Variants in SCLT1 observed in about 807,000 individuals in gnomAD.
The protein encoded by SCLT1 is sodium channel-associated protein 1.
Under a neutral mutation model 112.8 loss-of-function variants are expected in SCLT1, and 78 were observed. The observed-to-expected ratio is 0.69, with a 90% CI of 0.58 to 0.83. SCLT1 has a LOEUF of 0.83. Ranked by LOEUF, SCLT1 falls within the 40% of genes least tolerant of loss-of-function variation. The probability of loss-of-function intolerance (pLI) is 0.00; values close to 1 mark genes in which losing one functional copy is unlikely to be tolerated. For missense variants in SCLT1, 747 were observed against 770.4 expected, an observed-to-expected ratio of 0.97 and a Z score of 0.36; for synonymous variants, 257 against 254.7, an observed-to-expected ratio of 1.01 and a Z score of -0.09.
At chr4:128,873,779 T>C (rs1732378857) in intron 5 of SCLT1, 2 of 152,566 alleles carry the variant, frequency 1.3e-5, no homozygotes, top group South Asian at 2.1e-4. Flanking sequence ...TGTTTCCATA[T>C]GGCAGGGACA....
intron 17 of SCLT1, among the ~76,000 whole-genome samples, chr4:128,942,259 C>A (rs1238570823): frequency 6.6e-6 from 1 of 152,006 alleles, no homozygotes; most frequent in African/African-American, 2.4e-5. Flanking sequence ...TGGAATATGA[C>A]TTCTTAGGAG....
intron 2 of SCLT1, among the ~76,000 whole-genome samples, chr4:129,078,089 A>G (rs1420611176): frequency 6.6e-6 from 1 of 152,234 alleles, no homozygotes; most frequent in Admixed American, 6.5e-5. Flanking sequence ...ATAGGAATCA[A>G]GATTTGGTTG....
intron 5 of SCLT1, among the ~76,000 whole-genome samples, chr4:129,005,253 GCAT>G (rs1326285248): frequency 6.6e-6 from 1 of 152,042 alleles, no homozygotes; most frequent in South Asian, 2.1e-4. Flanking sequence ...ATGGTTATCT[GCAT>G]CATAACTTAT....
At chr4:128,896,713 A>G (rs550234413) in intron 18 of SCLT1, among the ~76,000 whole-genome samples, 1 of 152,182 alleles carries the variant, frequency 6.6e-6, no homozygotes, top group South Asian at 2.1e-4. Context: ...GCTTCAGACG[A>G]TCAAACTACT....
At chr4:129,070,434 C>T (rs1175338730) in intron 2 of SCLT1, among the ~76,000 whole-genome samples, 1 of 151,906 alleles carries the variant, frequency 6.6e-6, no homozygotes, top group Non-Finnish European at 1.5e-5. Context: ...TTCAATCTCG[C>T]TGCTTGTTAT....
intron 2 of SCLT1, among the ~76,000 whole-genome samples, chr4:129,051,972 C>G (rs1420494810): frequency 6.6e-6 from 1 of 152,038 alleles, no homozygotes; most frequent in Non-Finnish European, 1.5e-5. Context: ...TTTTTTGCAT[C>G]TATTGAGATA....
At chr4:128,882,368 A>G (rs1732661398), downstream of SCLT1, among the ~76,000 whole-genome samples, 1 of 152,202 alleles carries the variant, frequency 6.6e-6, no homozygotes, top group African/African-American at 2.4e-5. Flanking sequence ...ACTGCCATAT[A>G]GGTATGATTT....
chr4:128,883,166 A>C (rs544916571), downstream of SCLT1, among the ~76,000 whole-genome samples: 416 of 151,184 alleles, frequency 2.8e-3, 2 homozygotes, highest in Middle Eastern at 0.01. Flanking sequence ...ACAAAAAAAA[A>C]AAAAAAAAAA....
chr4:128,919,435 A>C (rs934383617), intron 18 of SCLT1, among the ~76,000 whole-genome samples: 1 of 152,156 alleles, frequency 6.6e-6, no homozygotes, highest in Non-Finnish European at 1.5e-5. Context: ...GTTAAGCAGA[A>C]GTTTATAGTG....
Position 128,996,315 on chromosome 4 carries a change from T to C in SCLT1, c.615+1559A>G, listed in dbSNP as rs72924109. ...GTGGGGAGAAGGAGTGTCCAGGATG[T>C]CCTACTCTGCCATGTTAGTCAAATT... On this transcript the variant is annotated intron_variant, in intron 8 of 20. Coordinates refer to ENST00000281142, the MANE Select transcript of SCLT1 (RefSeq NM_144643.4). 6.5e-3 allele frequency among the ~76,000 whole-genome samples: 982 copies of C among 152,096 alleles called. 7 individuals are homozygous for C. The highest frequency in any genetic ancestry group is 0.016 in the African/African-American group (677 of 41,502).
chr4:129,013,750 A>G (rs987248482), intron 5 of SCLT1, among the ~76,000 whole-genome samples: 22 of 152,014 alleles, frequency 1.4e-4, no homozygotes, highest in Non-Finnish European at 3.1e-4. Flanking sequence ...TTTTTGTTTC[A>G]TTTTGACCTT....
chr4:129,050,948 G>A (rs1273455141), intron 2 of SCLT1, among the ~76,000 whole-genome samples: 1 of 152,076 alleles, frequency 6.6e-6, no homozygotes, highest in Non-Finnish European at 1.5e-5. Flanking sequence ...CTTGTGGCTA[G>A]CCAGTATTCC....
intron 2 of SCLT1, among the ~76,000 whole-genome samples, chr4:129,053,413 C>T (rs929790464): frequency 6.6e-6 from 1 of 151,976 alleles, no homozygotes; most frequent in Non-Finnish European, 1.5e-5. Context: ...CTGGGTCCTC[C>T]TGTATTGGGT....
At chr4:129,069,668 G>A (rs1443595000) in intron 2 of SCLT1, among the ~76,000 whole-genome samples, 3 of 152,048 alleles carry the variant, frequency 2.0e-5, no homozygotes, top group Non-Finnish European at 4.4e-5. Context: ...AGTCCTTAGG[G>A]TTTTCAAGGT....
At chr4:129,030,162 C>G (rs147379392) in intron 5 of SCLT1, among the ~76,000 whole-genome samples, 2,779 of 152,218 alleles carry the variant, frequency 0.018, 36 homozygotes, top group Non-Finnish European at 0.029. Context: ...GAAACTCACT[C>G]AAAACTGCAC....
chr4:129,022,005 C>T (rs374620044), intron 5 of SCLT1, among the ~76,000 whole-genome samples: 4 of 152,166 alleles, frequency 2.6e-5, no homozygotes, highest in Admixed American at 6.5e-5. Flanking sequence ...GATACCCAGG[C>T]GAACAGGTCT....
At chr4:128,904,058 C>T (rs914339925) in intron 18 of SCLT1, among the ~76,000 whole-genome samples, 4 of 151,968 alleles carry the variant, frequency 2.6e-5, no homozygotes, top group African/African-American at 7.3e-5. Flanking sequence ...TGTAGCTTGC[C>T]GGAAGACACA....
chr4:128,999,332 T>G (rs188499652), intron 7 of SCLT1, among the ~76,000 whole-genome samples: 1 of 150,900 alleles, frequency 6.6e-6, no homozygotes, highest in East Asian at 1.9e-4. Context: ...AATAAACAAT[T>G]TTGTTTTGTT....
intron 18 of SCLT1, among the ~76,000 whole-genome samples, chr4:128,934,384 C>T (rs958478224): frequency 2.0e-5 from 3 of 151,760 alleles, no homozygotes; most frequent in Non-Finnish European, 4.4e-5. Context: ...TAATATACTT[C>T]AGATATTGCT....
Sources: gnomAD v4.1 joint callset for allele counts (sites outside exome capture counted in the v4.1 genomes callset) on GRCh38, gnomAD v4.1.1 for gene constraint, MANE v1.5 for transcripts, NCBI Gene and HGNC (gene_info 2026-07-23, HGNC 2026-07-21) for gene names.